The following KCNIP4 variants were observed in gnomAD, a reference collection of about 807,000 sequenced individuals.
KCNIP4 encodes the protein potassium voltage-gated channel interacting protein 4.
A neutral mutation model predicts 34.0 loss-of-function variants in KCNIP4; 12 were observed. The ratio of observed to expected loss-of-function variants is 0.35; its 90% confidence interval spans 0.23 to 0.57. KCNIP4 has a LOEUF of 0.57. Ranked by LOEUF, KCNIP4 falls within the 20% of genes least tolerant of loss-of-function variation. The probability of loss-of-function intolerance (pLI) is 0.83; values close to 1 mark genes in which losing one functional copy is unlikely to be tolerated. For missense variants in KCNIP4, 238 were observed against 311.7 expected (o/e 0.76, Z 1.78); for synonymous variants, 124 against 102.2 (o/e 1.21, Z -1.29).
chr4:21,198,444 T>C (rs1477153535), intron 1 of KCNIP4, among the ~76,000 whole-genome samples: 1 of 152,236 alleles, frequency 6.6e-6, no homozygotes, highest in Non-Finnish European at 1.5e-5. Context: ...CATTGAGTGC[T>C]GTGTCACTGT....
chr4:20,999,893 C>T (rs541802295), intron 1 of KCNIP4, among the ~76,000 whole-genome samples: 2 of 152,142 alleles, frequency 1.3e-5, no homozygotes, highest in East Asian at 3.9e-4. Context: ...GGAAACAGAA[C>T]ATGCACGTTG....
In KCNIP4 at chr4:20,973,566, G is replaced by A. The variant is rs189056476; in HGVS notation, c.62-90857C>T. On this transcript the variant is annotated intron_variant, in intron 1 of 8. Transcript: ENST00000382152. The stretch of plus-strand genomic sequence containing the variant: ...CTTTTCCTTTGAGAACTATTTCTTT[G>A]TGTTCACAATTTGGCTAACTGGCCC... 7.9e-5 allele frequency among the ~76,000 whole-genome samples: 12 copies of A among 152,264 alleles called. 1 individual carries two copies. The highest frequency in any genetic ancestry group is 2.4e-4 in the African/African-American group (10 of 41,548).
Position 21,113,848 on chromosome 4 carries a change from G to A in KCNIP4, c.62-231139C>T, listed in dbSNP as rs1749463275. Among the ~76,000 whole-genome samples the A allele has an allele frequency of 2.6e-5, 4 of 152,160 alleles. No homozygotes were observed. In the South Asian group the frequency reaches 6.2e-4, roughly 24 times the overall value. On this transcript the variant is annotated intron_variant, in intron 1 of 8. Coordinates refer to ENST00000382152, the MANE Select transcript of KCNIP4 (RefSeq NM_025221.6). Reference sequence around the variant, plus strand: ...TTCAGAGACATATTCAGTGAAATACGCAAATACCTTAACAAGAAATAGGTG... The same window carrying A: ...TTCAGAGACATATTCAGTGAAATACACAAATACCTTAACAAGAAATAGGTG...
chr4:21,471,907 C>T lies in KCNIP4; in HGVS notation c.61+476664G>A, dbSNP rs193274155. Among the ~76,000 whole-genome samples, 8 of 152,168 alleles carry T rather than the reference C, an allele frequency of 5.3e-5. No homozygotes were observed. In the East Asian group the frequency reaches 7.7e-4, roughly 15 times the overall value. On this transcript the variant is annotated intron_variant, in intron 1 of 8. Coordinates refer to ENST00000382152, the MANE Select transcript of KCNIP4 (RefSeq NM_025221.6). ...TAAAACATCTGACAAACCATTTAAT[C>T]GATTTCTAAATAAAAATATTCTTCT...
chr4:21,307,750 T>A (rs2109263133), intron 1 of KCNIP4, among the ~76,000 whole-genome samples: 1 of 150,756 alleles, frequency 6.6e-6, no homozygotes, highest in African/African-American at 2.5e-5. Flanking sequence ...CCTGAGAGAT[T>A]TCCATACTTT....
intron 1 of KCNIP4, among the ~76,000 whole-genome samples, chr4:21,065,090 G>C: frequency 6.6e-6 from 1 of 152,136 alleles, no homozygotes; most frequent in East Asian, 1.9e-4. Context: ...CAGCCATTCT[G>C]GCAGCCCTAT....
intron 1 of KCNIP4, among the ~76,000 whole-genome samples, chr4:21,014,832 C>T (rs1739361708): frequency 6.6e-6 from 1 of 152,154 alleles, no homozygotes; most frequent in South Asian, 2.1e-4. Flanking sequence ...TAGCATTATT[C>T]ACAATAGCCC....
chr4:21,735,097 C>T (rs1395475847), intron 1 of KCNIP4, among the ~76,000 whole-genome samples: 1 of 151,982 alleles, frequency 6.6e-6, no homozygotes, highest in African/African-American at 2.4e-5. Context: ...AGATAACATC[C>T]TTTTCCTTGA....
chr4:21,012,354 G>T (rs1040666003), intron 1 of KCNIP4, among the ~76,000 whole-genome samples: 1 of 152,124 alleles, frequency 6.6e-6, no homozygotes, highest in African/African-American at 2.4e-5. Context: ...CAAAGCAAGA[G>T]GATCGCTTGA....
At chr4:20,966,835 G>A (rs1212525961) in intron 1 of KCNIP4, among the ~76,000 whole-genome samples, 3 of 152,126 alleles carry the variant, frequency 2.0e-5, no homozygotes, top group African/African-American at 7.2e-5. Context: ...TTTAATGAGT[G>A]CTTACCATTT....
At chr4:21,905,052 T>A (rs775029335) in intron 1 of KCNIP4, among the ~76,000 whole-genome samples, 19 of 152,214 alleles carry the variant, frequency 1.2e-4, no homozygotes, top group African/African-American at 4.3e-4. Context: ...ATATTATGCA[T>A]AAGCATTGGT....
At chr4:20,882,294 C>T (rs1304468106) in intron 2 of KCNIP4, among the ~76,000 whole-genome samples, 1 of 152,142 alleles carries the variant, frequency 6.6e-6, no homozygotes, top group East Asian at 1.9e-4. Flanking sequence ...TGTCCAGCTG[C>T]TCTGCTAACA....
At chr4:21,008,812 C>G (rs1038805066) in intron 1 of KCNIP4, among the ~76,000 whole-genome samples, 5 of 151,942 alleles carry the variant, frequency 3.3e-5, no homozygotes, top group African/African-American at 1.2e-4. Context: ...ACGTGAGCCA[C>G]CGCGCCCAGC....
chr4:20,965,287 A>C (rs1734235731), intron 1 of KCNIP4, among the ~76,000 whole-genome samples: 1 of 152,192 alleles, frequency 6.6e-6, no homozygotes. Flanking sequence ...CTTTTGATAC[A>C]CTAGCAGTAC....
At chr4:21,253,980 A>T (rs1760892172) in intron 1 of KCNIP4, among the ~76,000 whole-genome samples, 1 of 152,240 alleles carries the variant, frequency 6.6e-6, no homozygotes, top group African/African-American at 2.4e-5. Flanking sequence ...CATTTATATG[A>T]AATATCCAGA....
chr4:21,694,446 A>G (rs762939437), intron 1 of KCNIP4, among the ~76,000 whole-genome samples: 4 of 152,158 alleles, frequency 2.6e-5, no homozygotes, highest in Non-Finnish European at 2.9e-5. Flanking sequence ...TAAAAAGCAT[A>G]TGTTTTTATG....
intron 1 of KCNIP4, among the ~76,000 whole-genome samples, chr4:21,061,147 C>A (rs1273650373): frequency 1.3e-5 from 2 of 152,072 alleles, no homozygotes; most frequent in Non-Finnish European, 2.9e-5. Context: ...ACTGCTTAAC[C>A]CCCATTCTCT....
At chr4:21,223,323 CA>C (rs1166557331) in intron 1 of KCNIP4, among the ~76,000 whole-genome samples, 2 of 152,174 alleles carry the variant, frequency 1.3e-5, no homozygotes, top group African/African-American at 4.8e-5. Flanking sequence ...AAGATAAGGA[CA>C]AAGATTCTAC....
intron 1 of KCNIP4, among the ~76,000 whole-genome samples, chr4:21,739,292 C>T (rs543698386): frequency 6.6e-6 from 1 of 152,158 alleles, no homozygotes; most frequent in Non-Finnish European, 1.5e-5. Flanking sequence ...TATGCACTAA[C>T]ATTTGCTCTA....
Sources: allele counts gnomAD v4.1 joint callset (sites outside exome capture counted in the v4.1 genomes callset), GRCh38; gene constraint gnomAD v4.1.1; transcripts MANE v1.5; gene names NCBI Gene and HGNC (gene_info 2026-07-23, HGNC 2026-07-21).